The following WDFY2 variants were observed in gnomAD, a reference collection of about 807,000 sequenced individuals.
WDFY2 encodes WD repeat and FYVE domain-containing protein 2.
A neutral mutation model predicts 56.4 loss-of-function variants in WDFY2; 36 were observed. That is an observed-to-expected ratio of 0.64 (90% CI 0.49 to 0.84). The LOEUF (loss-of-function observed/expected upper bound fraction) is 0.84, where lower values mean the gene tolerates loss of function less well. Ranked by LOEUF, WDFY2 falls within the 40% of genes least tolerant of loss-of-function variation. WDFY2 has a pLI of 0.00. For missense variants in WDFY2, 444 were observed against 512.2 expected, an observed-to-expected ratio of 0.87 and a Z score of 1.29; for synonymous variants, 176 against 183.7, an observed-to-expected ratio of 0.96 and a Z score of 0.34.
In WDFY2 at chr13:51,739,155, C is replaced by T; in HGVS notation, c.705C>T (p.Ala235=). The change falls in exon 7 of 12, where the codon GCC becomes GCT. Residue 235 remains alanine (A), a synonymous_variant. Transcript: ENST00000298125. ...ACATCGGTGGGAGAAAAGGAACAGC[C>T]ATCGAGCTCCAAGGACACAAGTAAG... ...MWDIGGRKGT[A]IELQGHNDRV... The T allele has an allele frequency of 6.3e-7, 1 of 1,592,458 alleles. No homozygotes were observed.
chr13:51,703,657 A>G lies in WDFY2; in HGVS notation c.334+7A>G. 6.2e-7 allele frequency: 1 copy of G among 1,607,044 alleles called. No individual in the cohort carries two copies. Among genetic ancestry groups the G allele is most frequent in the Non-Finnish European group, 8.5e-7 (1 of 1,175,894 alleles). ...CCTGTGAAAAACTATCAAGGTAGGG[A>G]GTGAGAGGAGTACCTTCATTACCCA... On this transcript the variant is annotated splice_region_variant and intron_variant, in intron 4 of 11. Transcript: ENST00000298125.
chr13:51,732,137 T>G (rs1343120352), intron 6 of WDFY2, among the ~76,000 whole-genome samples: 6 of 152,158 alleles, frequency 3.9e-5, no homozygotes, highest in East Asian at 1.9e-4. Flanking sequence ...AGAATTTTTT[T>G]TTTGTTTTTT....
chr13:51,722,797 C>T (rs1952520398), intron 5 of WDFY2, among the ~76,000 whole-genome samples: 2 of 152,304 alleles, frequency 1.3e-5, no homozygotes, highest in South Asian at 2.1e-4. Flanking sequence ...GACCCCATGG[C>T]AGGTAGATGA....
At position 51,704,904 on chromosome 13, in the gene WDFY2, A is replaced by T. The variant is rs181156006; in HGVS notation, c.334+1254A>T. ...TACCCTGTGGTAGGTAACCTTTAAGATGGTTCCTAATGATCATTGCCTCCT... is the reference window on the plus strand; with the variant it reads ...TACCCTGTGGTAGGTAACCTTTAAGTTGGTTCCTAATGATCATTGCCTCCT... On this transcript the variant is annotated intron_variant, in intron 4 of 11. Transcript: ENST00000298125. Among the ~76,000 whole-genome samples the T allele has an allele frequency of 2.1e-4, 32 of 152,288 alleles. 1 individual carries two copies. The highest frequency in any genetic ancestry group is 1.8e-3 in the Admixed American group (27 of 15,296).
chr13:51,628,019 G>A (rs538199865), intron 1 of WDFY2, among the ~76,000 whole-genome samples: 33 of 152,208 alleles, frequency 2.2e-4, no homozygotes, highest in Non-Finnish European at 4.4e-4. Context: ...ATAAGTTCTC[G>A]TTTTGGGCCC....
intron 3 of WDFY2, among the ~76,000 whole-genome samples, chr13:51,681,479 T>C (rs1165177561): frequency 6.6e-6 from 1 of 152,178 alleles, no homozygotes; most frequent in Non-Finnish European, 1.5e-5. Flanking sequence ...AACTGTTACA[T>C]AACCCTGCCA....
intron 1 of WDFY2, among the ~76,000 whole-genome samples, chr13:51,623,258 A>G (rs1350190916): frequency 2.0e-5 from 3 of 152,118 alleles, no homozygotes; most frequent in Admixed American, 6.5e-5. Context: ...ATTAATATTC[A>G]GGCCAGGCCA....
At chr13:51,751,467 C>A in intron 8 of WDFY2, 52 bp downstream of exon 8, 1 of 1,471,410 alleles carries the variant, frequency 6.8e-7, no homozygotes, top group Admixed American at 1.7e-5. Flanking sequence ...CCCTGCCTCC[C>A]TTCCTGCTTA....
intron 2 of WDFY2, among the ~76,000 whole-genome samples, chr13:51,668,150 A>G (rs541393785): frequency 1.7e-4 from 26 of 152,158 alleles, no homozygotes; most frequent in African/African-American, 6.0e-4. Flanking sequence ...AAGTGCTGGG[A>G]TTACAGACGT....
intron 1 of WDFY2, chr13:51,586,101 G>T (rs1166548284): frequency 7.5e-6 from 3 of 398,436 alleles, no homozygotes; most frequent in Non-Finnish European, 1.3e-5. Flanking sequence ...TGGCTGAAAT[G>T]GAGTACATGG....
intron 3 of WDFY2, among the ~76,000 whole-genome samples, chr13:51,689,407 G>A (rs533229215): frequency 6.6e-6 from 1 of 152,138 alleles, no homozygotes; most frequent in Admixed American, 6.6e-5. Context: ...TTTATAGGAA[G>A]AATTTGTAAA....
rs370003923 is a variant in WDFY2, at chr13:51,756,399, T to C, written c.1001T>C (p.Leu334Pro). Residue 334 changes from leucine (L) to proline (P), a missense_variant, in exon 10 of 12, where the codon CTG becomes CCG. Coordinates refer to ENST00000298125, the MANE Select transcript of WDFY2 (RefSeq NM_052950.4). ...KCSSKRSSIP[L>P]MGFEFEVRVC... ...AGCTCCAAGCGCTCCTCCATCCCCC[T>C]GATGGGCTTCGAGTTTGAAGTGAGG... 1.2e-6 allele frequency: 2 copies of C among 1,614,060 alleles called. No individual in the cohort carries two copies. Among genetic ancestry groups the C allele is most frequent in the Non-Finnish European group, 1.7e-6 (2 of 1,180,016 alleles).
chr13:51,631,130 G>A (rs7986936), intron 1 of WDFY2, among the ~76,000 whole-genome samples: 148,291 of 148,346 alleles, frequency 1, 74,118 homozygotes, highest in Middle Eastern at 1. Context: ...GGTGGCTCAC[G>A]CCTGTAATCC....
intron 1 of WDFY2, among the ~76,000 whole-genome samples, chr13:51,625,172 G>C (rs1954816796): frequency 6.6e-6 from 1 of 152,220 alleles, no homozygotes; most frequent in Non-Finnish European, 1.5e-5. Flanking sequence ...TGTGACCAAG[G>C]TGATGTGATG....
chr13:51,619,445 A>C (rs567238376), intron 1 of WDFY2, among the ~76,000 whole-genome samples: 46 of 152,008 alleles, frequency 3.0e-4, no homozygotes, highest in Non-Finnish European at 6.0e-4. Context: ...AAAAAAAAAA[A>C]ACAAAAAACA....
intron 1 of WDFY2, among the ~76,000 whole-genome samples, chr13:51,638,678 T>G (rs1955098078): frequency 6.6e-6 from 1 of 152,252 alleles, no homozygotes. Context: ...TTCATTTTAT[T>G]ACCTACATAA....
At chr13:51,603,085 A>C (rs558288859) in intron 1 of WDFY2, among the ~76,000 whole-genome samples, 21 of 152,290 alleles carry the variant, frequency 1.4e-4, no homozygotes, top group African/African-American at 5.1e-4. Flanking sequence ...TGACTGATAC[A>C]AAGTGCTTTG....
Position 51,631,808 on chromosome 13 carries a change from C to T in WDFY2, c.138-28788C>T, listed in dbSNP as rs549583381. ...CCTCCCAAAGTGCTGGGATTACAGG[C>T]GTGAGCCACTGTGGCCAGCCTAGAC... is the stretch of plus-strand genomic sequence containing the variant. On this transcript the variant is annotated intron_variant, in intron 1 of 11. Coordinates refer to ENST00000298125, the MANE Select transcript of WDFY2 (RefSeq NM_052950.4). Among the ~76,000 whole-genome samples, 217 of 152,286 alleles carry T rather than the reference C, an allele frequency of 1.4e-3. 2 individuals are homozygous for T. The highest frequency in any genetic ancestry group is 5.1e-3 in the African/African-American group (210 of 41,564).
Position 51,751,363 on chromosome 13 carries a change from G to T in WDFY2, c.779G>T (p.Cys260Phe). The T allele has an allele frequency of 6.2e-7, 1 of 1,614,110 alleles. No individual in the cohort carries two copies. Among genetic ancestry groups the T allele is most frequent in the South Asian group, 1.1e-5 (1 of 91,078 alleles). ...YAQHTRQLISCGGDGGIVVWN... is the reference protein window; with the variant it reads ...YAQHTRQLISFGGDGGIVVWN... ...CAGCACACGCGACAATTGATCTCCT[G>T]TGGCGGTGATGGTGGGATTGTCGTC... is the stretch of plus-strand genomic sequence containing the variant. The change falls in exon 8 of 12, where the codon TGT becomes TTT. Residue 260 changes from cysteine (C) to phenylalanine (F), a missense_variant. Physicochemically the swap from Cys to Phe is radical, Grantham distance 205. Transcript: ENST00000298125.
Sources: gnomAD v4.1 joint callset for allele counts (sites outside exome capture counted in the v4.1 genomes callset) on GRCh38, gnomAD v4.1.1 for gene constraint, MANE v1.5 for transcripts, NCBI Gene and HGNC (gene_info 2026-07-23, HGNC 2026-07-21) for gene names.